PCDHGA9: variants seen among roughly 807,000 people sequenced by gnomAD.
The protein encoded by PCDHGA9 is protocadherin gamma-A9.
In PCDHGA9, 37 loss-of-function variants were observed where a neutral mutation model predicts 62.5. The ratio of observed to expected loss-of-function variants is 0.59; its 90% confidence interval spans 0.46 to 0.78. PCDHGA9 has a LOEUF of 0.78. Among genes scored for constraint, PCDHGA9 ranks in the 30% least tolerant of loss-of-function variants. The pLI is 0.00. For missense variants in PCDHGA9, 1,138 were observed against 1,166.2 expected, an observed-to-expected ratio of 0.98 and a Z score of 0.35; for synonymous variants, 459 against 484.6, an observed-to-expected ratio of 0.95 and a Z score of 0.69.
At chr5:141,497,691 C>T (rs2099778682) in intron 2 of PCDHGA9, among the ~76,000 whole-genome samples, 1 of 152,066 alleles carries the variant, frequency 6.6e-6, no homozygotes, top group African/African-American at 2.4e-5. Flanking sequence ...AGGTGTGCAC[C>T]ACCACACCCA....
intron 1 of PCDHGA9, among the ~76,000 whole-genome samples, chr5:141,447,098 A>G (rs2098525979): frequency 6.6e-6 from 1 of 151,934 alleles, no homozygotes. Flanking sequence ...TTTCTTTCAC[A>G]TGATTATATG....
Position 141,477,649 on chromosome 5 carries a change from A to G in PCDHGA9, c.2425-17158A>G, listed in dbSNP as rs2099415032. 3.7e-6 allele frequency: 6 copies of G among 1,614,076 alleles called. No individual in the cohort carries two copies. Among genetic ancestry groups the G allele is most frequent in the Non-Finnish European group, 5.1e-6 (6 of 1,180,048 alleles). ...CCGGGCTAGTGGGTCGCTATTTCAC[A>G]ATAAATCGTGACAATGGCATAGTGT... On this transcript the variant is annotated intron_variant, in intron 1 of 3. Transcript: ENST00000573521. The surrounding 1 kb of genome is among the most constrained non-coding windows in gnomAD (Gnocchi z 4.9).
intron 2 of PCDHGA9, among the ~76,000 whole-genome samples, chr5:141,495,223 G>T (rs924599140): frequency 6.6e-6 from 1 of 152,208 alleles, no homozygotes; most frequent in South Asian, 2.1e-4. Flanking sequence ...CCTGAGTTGA[G>T]CTGGGCTCCA....
At chr5:141,447,130 T>A (rs2098527397) in intron 1 of PCDHGA9, among the ~76,000 whole-genome samples, 1 of 152,146 alleles carries the variant, frequency 6.6e-6, no homozygotes, top group Admixed American at 6.6e-5. Context: ...TTTTTTTGTT[T>A]GTTTGTTTTT....
chr5:141,466,819 C>A (rs2099130454), intron 1 of PCDHGA9, among the ~76,000 whole-genome samples: 1 of 152,068 alleles, frequency 6.6e-6, no homozygotes, highest in Non-Finnish European at 1.5e-5. Context: ...CATGGTATAA[C>A]AAGTTAGTAT....
rs1176011355 is a variant in PCDHGA9 at position 141,485,491 on chromosome 5, G to A, written c.2425-9316G>A. The A allele has an allele frequency of 1.2e-6, 2 of 1,614,142 alleles. No individual in the cohort carries two copies. Among genetic ancestry groups the A allele is most frequent in the Non-Finnish European group, 1.7e-6 (2 of 1,180,040 alleles). On this transcript the variant is annotated intron_variant, in intron 1 of 3. Transcript: ENST00000573521. This position sits in a 1 kb window ranked among gnomAD's most constrained non-coding sequence, Gnocchi z 5.7. ...TCAGTGCCAGCTGCATCGTGCCCCT[G>A]GAGTTTGTCACCGAAGGTCCTTTGG...
chr5:141,500,645 A>C (rs2099801792), intron 2 of PCDHGA9, among the ~76,000 whole-genome samples: 1 of 152,228 alleles, frequency 6.6e-6, no homozygotes, highest in African/African-American at 2.4e-5. Flanking sequence ...GTTTTTTAAA[A>C]ATAGCAACTG....
At chr5:141,441,981 C>A in intron 1 of PCDHGA9, 1 of 278,140 alleles carries the variant, frequency 3.6e-6, no homozygotes, top group South Asian at 3.6e-5. Context: ...GCCTGGAATG[C>A]GCACCGACGA....
intron 1 of PCDHGA9, chr5:141,418,643 C>A (rs188546091): frequency 2.9e-5 from 46 of 1,614,022 alleles, no homozygotes; most frequent in Admixed American, 6.7e-5. Context: ...CACCTCCATC[C>A]TGAGAGTGAA....
Position 141,490,629 on chromosome 5 carries a change from C to T in PCDHGA9, c.2425-4178C>T, listed in dbSNP as rs1174984711. 1.2e-6 allele frequency: 2 copies of T among 1,614,214 alleles called. No individual in the cohort carries two copies. Among genetic ancestry groups the T allele is most frequent in the East Asian group, 2.2e-5 (1 of 44,882 alleles). On this transcript the variant is annotated intron_variant, in intron 1 of 3. Coordinates refer to ENST00000573521, the MANE Select transcript of PCDHGA9 (RefSeq NM_018921.3). This position sits in a 1 kb window ranked among gnomAD's most constrained non-coding sequence, Gnocchi z 5.4. ...ACCAGCAGCTTTACACTGCTTACAT[C>T]CTAGAAAACCGGCCTCCGGGCTCCC...
At position 141,410,475 on chromosome 5, in the gene PCDHGA9, A is replaced by G. The variant is rs185995562; in HGVS notation, c.2424+5099A>G. ...TATTCTTATAATCTGTGCATTGCAC[A>G]TACGGGTACAAAAGAGTTTAATTTC... is the stretch of plus-strand genomic sequence containing the variant. On this transcript the variant is annotated intron_variant, in intron 1 of 3. Transcript: ENST00000573521. The G allele has an allele frequency of 3.7e-6, 6 of 1,614,052 alleles. No homozygotes were observed. In the South Asian group the frequency reaches 6.6e-5, roughly 18 times the overall value.
chr5:141,504,206 A>C (rs1209911822), intron 2 of PCDHGA9, among the ~76,000 whole-genome samples: 1 of 152,218 alleles, frequency 6.6e-6, no homozygotes, highest in East Asian at 1.9e-4. Context: ...CTGTGGGAAA[A>C]TTCCAAGTAG....
In PCDHGA9 at chr5:141,432,265, G is replaced by A. The variant is rs756993242; in HGVS notation, c.2424+26889G>A. On this transcript the variant is annotated intron_variant, in intron 1 of 3. Transcript: ENST00000573521. The surrounding 1 kb of genome is among the most constrained non-coding windows in gnomAD (Gnocchi z 6.0). ...ACACCATCCAAGGGGCAAGCCTATCGTCCTACGTGTCCATCAACTCCGACA... is the reference window on the plus strand; with the variant it reads ...ACACCATCCAAGGGGCAAGCCTATCATCCTACGTGTCCATCAACTCCGACA... 2.5e-6 allele frequency: 4 copies of A among 1,614,092 alleles called. No individual in the cohort carries two copies. The highest frequency in any genetic ancestry group is 1.7e-5 in the Admixed American group (1 of 60,004).
chr5:141,476,672 A>T lies in PCDHGA9; in HGVS notation c.2425-18135A>T. 6.2e-7 allele frequency: 1 copy of T among 1,614,206 alleles called. No individual in the cohort carries two copies. Among genetic ancestry groups the T allele is most frequent in the African/African-American group, 1.3e-5 (1 of 75,058 alleles). ...TGAATACTTTGCGCTTCGCGTGCAG[A>T]CGCGGGAGGACAGCACCAAGTACGC... On this transcript the variant is annotated intron_variant, in intron 1 of 3. Transcript: ENST00000573521. The surrounding 1 kb of genome is among the most constrained non-coding windows in gnomAD (Gnocchi z 7.6).
At chr5:141,415,688 T>A (rs373105795) in intron 1 of PCDHGA9, 395 of 1,545,880 alleles carry the variant, frequency 2.6e-4, no homozygotes, top group Non-Finnish European at 3.3e-4. Context: ...GGCATGATGG[T>A]GGAAAGTGTA....
intron 1 of PCDHGA9, chr5:141,415,362 G>A (rs769596449): frequency 4.3e-6 from 7 of 1,614,126 alleles, no homozygotes; most frequent in African/African-American, 1.3e-5. Context: ...CACGCCTGCT[G>A]CAGGCTTCAG....
chr5:141,420,252 C>G (rs745697672), intron 1 of PCDHGA9: 2 of 1,576,604 alleles, frequency 1.3e-6, no homozygotes, highest in Non-Finnish European at 1.7e-6. Flanking sequence ...AGCGTTGAAG[C>G]AGATAAGAAG....
At position 141,403,695 on chromosome 5, in the gene PCDHGA9, G is replaced by T. The variant is rs376074779; in HGVS notation, c.743G>T (p.Arg248Leu). The change falls in exon 1 of 4, where the codon CGA becomes CTA. Residue 248 changes from arginine (R) to leucine (L), a missense_variant. By Grantham distance (102) the Arg-to-Leu change is moderately radical. Transcript: ENST00000573521. ...NAPVFAQRIYRVKVLENVPPG... is the reference protein window; with the variant it reads ...NAPVFAQRIYLVKVLENVPPG... ...CCGGTTTTTGCTCAACGGATTTACC[G>T]AGTTAAAGTCCTTGAGAACGTGCCC... The T allele has an allele frequency of 2.9e-5, 46 of 1,613,780 alleles. No individual in the cohort carries two copies. The highest frequency in any genetic ancestry group is 3.7e-5 in the Non-Finnish European group (44 of 1,179,906).
At chr5:141,427,461 G>A (rs1397917549) in intron 1 of PCDHGA9, 1 of 497,998 alleles carries the variant, frequency 2.0e-6, no homozygotes, top group Admixed American at 2.3e-5. Context: ...TTTTAGAATC[G>A]AATCTTCCGC....
Sources: allele counts gnomAD v4.1 joint callset (sites outside exome capture counted in the v4.1 genomes callset), GRCh38; gene constraint gnomAD v4.1.1; non-coding constraint Gnocchi (gnomAD v3.1); transcripts MANE v1.5; gene names NCBI Gene and HGNC (gene_info 2026-07-23, HGNC 2026-07-21).